SGIP1: variants seen among roughly 807,000 people sequenced by gnomAD.
SGIP1 encodes SH3-containing GRB2-like protein 3-interacting protein 1.
Under a neutral mutation model 107.5 loss-of-function variants are expected in SGIP1, and 38 were observed. The observed-to-expected ratio is 0.35, with a 90% CI of 0.27 to 0.46. The LOEUF is 0.46. Ranked by LOEUF, SGIP1 falls within the 20% of genes least tolerant of loss-of-function variation. The pLI is 1.00. For synonymous variants in SGIP1, 365 were observed against 366.1 expected (o/e 1.00, Z 0.03); for missense variants, 929 against 1,019.5 (o/e 0.91, Z 1.21).
intron 1 of SGIP1, among the ~76,000 whole-genome samples, chr1:66,589,210 A>ATGTGTGTG (rs1351093715): frequency 1.4e-5 from 1 of 69,026 alleles, no homozygotes; most frequent in Non-Finnish European, 2.8e-5. Context: ...ATATATATAT[A>ATGTGTGTG]TATATATGTA....
chr1:66,622,571 G>A (rs1377098826), intron 1 of SGIP1, among the ~76,000 whole-genome samples: 1 of 152,148 alleles, frequency 6.6e-6, no homozygotes, highest in Admixed American at 6.5e-5. Flanking sequence ...TTAATTTTGT[G>A]TGTGTGTGTG....
chr1:66,663,305 A>C (rs1384565446), intron 8 of SGIP1, among the ~76,000 whole-genome samples: 1 of 152,140 alleles, frequency 6.6e-6, no homozygotes, highest in African/African-American at 2.4e-5. Flanking sequence ...ATATATCAAG[A>C]CCAGATACTA....
intron 8 of SGIP1, chr1:66,667,090 T>C (rs932276979): frequency 2.6e-5 from 4 of 154,274 alleles, no homozygotes; most frequent in Admixed American, 6.5e-5. Flanking sequence ...GCTCTTTTTG[T>C]ACCCTAACTA....
intron 1 of SGIP1, among the ~76,000 whole-genome samples, chr1:66,621,158 G>T (rs1336922723): frequency 1.3e-5 from 2 of 152,190 alleles, no homozygotes; most frequent in East Asian, 3.8e-4. Flanking sequence ...TCTGATACAT[G>T]AGTGAGAAAA....
At chr1:66,638,839 C>A (rs1392964709) in intron 4 of SGIP1, among the ~76,000 whole-genome samples, 2 of 152,170 alleles carry the variant, frequency 1.3e-5, no homozygotes, top group East Asian at 3.8e-4. Flanking sequence ...TGTGTCCAAG[C>A]CTCATGCGTC....
chr1:66,570,934 C>T (rs992174815), intron 1 of SGIP1, among the ~76,000 whole-genome samples: 1 of 151,978 alleles, frequency 6.6e-6, no homozygotes, highest in African/African-American at 2.4e-5. Context: ...ACCAAAGTAG[C>T]TTGACCATAG....
chr1:66,671,779 T>G (rs558190711), intron 10 of SGIP1, among the ~76,000 whole-genome samples, 165 bp from the exon 11 acceptor site: 1 of 152,326 alleles, frequency 6.6e-6, no homozygotes, highest in Admixed American at 6.5e-5. Context: ...ATGCCTAATA[T>G]ATGGCTGTTG....
intron 1 of SGIP1, among the ~76,000 whole-genome samples, chr1:66,606,212 T>G (rs921097028): frequency 1.3e-5 from 2 of 152,210 alleles, no homozygotes; most frequent in Non-Finnish European, 2.9e-5. Flanking sequence ...TCAGAACCTC[T>G]GGCTACCCAC....
chr1:66,741,790 C>T (rs1174103231), intron 24 of SGIP1, among the ~76,000 whole-genome samples: 1 of 150,770 alleles, frequency 6.6e-6, no homozygotes, highest in East Asian at 2.0e-4. Context: ...TTTGGTGAGA[C>T]GGAGTCTCTC....
At chr1:66,647,897 G>A (rs1436440028) in intron 7 of SGIP1, among the ~76,000 whole-genome samples, 2 of 152,278 alleles carry the variant, frequency 1.3e-5, no homozygotes, top group Non-Finnish European at 1.5e-5. Context: ...AAATGGTAAA[G>A]CCCCTTCTTT....
intron 8 of SGIP1, among the ~76,000 whole-genome samples, chr1:66,663,712 G>A (rs1174387113): frequency 6.6e-6 from 1 of 151,984 alleles, no homozygotes; most frequent in East Asian, 1.9e-4. Context: ...CCTGCTGAAG[G>A]CATTTTGCAA....
chr1:66,660,501 C>G lies in SGIP1; in HGVS notation c.460-12C>G, dbSNP rs200436987. On this transcript the variant is annotated splice_polypyrimidine_tract_variant and intron_variant, in intron 7 of 24. Transcript: ENST00000371037. ...TTCTCTTTATTCTTCCTCCCCATGCCTACGCTTTTAGAGGAAAAGTCCGGT... is the reference window on the plus strand; with the variant it reads ...TTCTCTTTATTCTTCCTCCCCATGCGTACGCTTTTAGAGGAAAAGTCCGGT... The G allele has an allele frequency of 4.3e-6, 7 of 1,609,622 alleles. No individual in the cohort carries two copies. The African/African-American group carries it at 9.3e-5, about 21-fold the overall frequency.
chr1:66,712,267 A>G (rs1233421080), intron 18 of SGIP1, among the ~76,000 whole-genome samples: 1 of 152,188 alleles, frequency 6.6e-6, no homozygotes, highest in Non-Finnish European at 1.5e-5. Flanking sequence ...CACTAGTTTG[A>G]CATAAATTCA....
intron 2 of SGIP1, among the ~76,000 whole-genome samples, chr1:66,631,055 GAAAGAAAGAAAGA>G: frequency 1.1e-5 from 1 of 93,398 alleles, no homozygotes; most frequent in African/African-American, 3.7e-5. Flanking sequence ...AAGAAAGAAA[GAAAGAAAGAAAGA>G]AAGAAAGAAA....
At position 66,642,791 on chromosome 1, in the gene SGIP1, G is replaced by A. The variant is rs1392186335; in HGVS notation, c.229-19G>A. 2 of 1,599,568 alleles carry A rather than the reference G, an allele frequency of 1.3e-6. No homozygotes were observed. The highest frequency in any genetic ancestry group is 1.7e-6 in the Non-Finnish European group (2 of 1,173,270). ...ACTGTTAGGATAATAATTACTTCAT[G>A]TGCACTTGTGTTTTATAGAACTCAC... On this transcript the variant is annotated intron_variant, in intron 5 of 24. Transcript: ENST00000371037.
chr1:66,679,622 T>G, intron 13 of SGIP1, 56 bp from the exon 14 acceptor site: 1 of 1,542,098 alleles, frequency 6.5e-7, no homozygotes, highest in Non-Finnish European at 8.8e-7. Flanking sequence ...TTAAAGTGTA[T>G]TGTATGACTT....
chr1:66,560,448 C>T (rs1452513595), intron 1 of SGIP1, among the ~76,000 whole-genome samples: 1 of 151,914 alleles, frequency 6.6e-6, no homozygotes, highest in Non-Finnish European at 1.5e-5. Context: ...TTGATTTTTG[C>T]CAGCATTGTA....
intron 17 of SGIP1, among the ~76,000 whole-genome samples, chr1:66,693,363 T>G (rs1191601217): frequency 6.6e-6 from 1 of 152,110 alleles, no homozygotes; most frequent in Non-Finnish European, 1.5e-5. Flanking sequence ...CCTATCAATA[T>G]TATGAGGATA....
chr1:66,558,558 A>C (rs779075706), intron 1 of SGIP1, among the ~76,000 whole-genome samples: 1 of 152,104 alleles, frequency 6.6e-6, no homozygotes, highest in African/African-American at 2.4e-5. Context: ...TTAATTAATA[A>C]TAGCTAACAT....
Sources: allele counts gnomAD v4.1 joint callset (sites outside exome capture counted in the v4.1 genomes callset), GRCh38; gene constraint gnomAD v4.1.1; transcripts MANE v1.5; gene names NCBI Gene and HGNC (gene_info 2026-07-23, HGNC 2026-07-21).